Variants in RANBP17 observed in about 807,000 individuals in gnomAD.
The protein encoded by RANBP17 is ran-binding protein 17.
A neutral mutation model predicts 141.2 loss-of-function variants in RANBP17; 158 were observed. The observed-to-expected ratio is 1.12, with a 90% CI of 0.98 to 1.28. RANBP17 has a LOEUF of 1.28. RANBP17 is among the 50% of genes most tolerant of loss of function. The pLI, the probability that RANBP17 is intolerant of heterozygous loss-of-function variation, is 0.00. For synonymous variants in RANBP17, 430 were observed against 450.0 expected, an observed-to-expected ratio of 0.96 and a Z score of 0.56; for missense variants, 1,438 against 1,290.7, an observed-to-expected ratio of 1.11 and a Z score of -1.75.
chr5:171,273,377 A>G (rs1197363984), intron 25 of RANBP17, among the ~76,000 whole-genome samples: 1 of 152,206 alleles, frequency 6.6e-6, no homozygotes, highest in Non-Finnish European at 1.5e-5. Context: ...CCTACCCATT[A>G]TAACTATACC....
chr5:171,084,987 T>C (rs907768622), intron 14 of RANBP17, among the ~76,000 whole-genome samples: 1 of 41,676 alleles, frequency 2.4e-5, no homozygotes, highest in Non-Finnish European at 4.8e-5. Flanking sequence ...TTTGTCAATT[T>C]TGGCTTTTGT....
chr5:170,918,403 T>TACACACAC (rs55900214), intron 9 of RANBP17: 2,711 of 161,226 alleles, frequency 0.017, 15 homozygotes, highest in East Asian at 0.041. Flanking sequence ...TAAACCACAG[T>TACACACAC]ACACACACAC....
chr5:171,274,685 A>G (rs1332698491), intron 25 of RANBP17, among the ~76,000 whole-genome samples: 1 of 152,204 alleles, frequency 6.6e-6, no homozygotes, highest in African/African-American at 2.4e-5. Context: ...AGCACCTACC[A>G]GAGCCTGACA....
At chr5:171,063,066 T>C (rs1292552151) in intron 14 of RANBP17, among the ~76,000 whole-genome samples, 2 of 152,118 alleles carry the variant, frequency 1.3e-5, no homozygotes, top group Non-Finnish European at 2.9e-5. Flanking sequence ...TTCATCTAAA[T>C]TTTTTTCAAA....
At chr5:171,174,507 C>T (rs537034774) in intron 16 of RANBP17, among the ~76,000 whole-genome samples, 21 of 152,218 alleles carry the variant, frequency 1.4e-4, no homozygotes, top group East Asian at 5.8e-4. Flanking sequence ...ATGCTGAAAA[C>T]GGAGAAGAGT....
At chr5:170,983,430 A>C (rs921937990) in intron 14 of RANBP17, among the ~76,000 whole-genome samples, 3 of 152,246 alleles carry the variant, frequency 2.0e-5, no homozygotes, top group African/African-American at 7.2e-5. Context: ...ATTTGTGCAC[A>C]AAAGGGAATT....
intron 1 of RANBP17, among the ~76,000 whole-genome samples, chr5:170,876,157 G>A (rs568620537): frequency 9.9e-5 from 15 of 152,180 alleles, no homozygotes; most frequent in South Asian, 2.1e-4. Context: ...GGCACCAACC[G>A]CTTCACTTGG....
chr5:171,264,393 G>GA (rs201231962), intron 24 of RANBP17, among the ~76,000 whole-genome samples: 5 of 149,608 alleles, frequency 3.3e-5, no homozygotes, highest in South Asian at 2.1e-4. Context: ...AAAATTATTG[G>GA]AAAAAAAAAT....
In RANBP17 at chr5:171,194,288, C is replaced by T. The variant is rs370820667; in HGVS notation, c.2039-5382C>T. ...TATTCAGAATATTCATAAAATTGTG[C>T]AGCCATCACCATTATCTAATTCTAT... is the stretch of plus-strand genomic sequence containing the variant. On this transcript the variant is annotated intron_variant, in intron 18 of 27. Coordinates refer to ENST00000523189, the MANE Select transcript of RANBP17 (RefSeq NM_022897.5). Among the ~76,000 whole-genome samples, 6 of 152,268 alleles carry T rather than the reference C, an allele frequency of 3.9e-5. No individual in the cohort carries two copies. In the East Asian group the frequency reaches 1.2e-3, roughly 29 times the overall value.
chr5:171,147,810 T>TGG lies in RANBP17; in HGVS notation c.1711-22319_1711-22318insGG, dbSNP rs1179928276. On this transcript the variant is annotated intron_variant, in intron 14 of 27. Coordinates refer to ENST00000523189, the MANE Select transcript of RANBP17 (RefSeq NM_022897.5). ...CCGGCCAGCCGCCCCGTCCGGGACG[T>TGG]GAGGGGTGCCTCTGCCCGGCCGCCC... 1.3e-3 allele frequency among the ~76,000 whole-genome samples: 191 copies of TGG among 152,284 alleles called. 3 individuals are homozygous for TGG. In the East Asian group the frequency reaches 0.034, roughly 27 times the overall value.
chr5:170,994,979 T>C (rs1778722105), intron 14 of RANBP17, among the ~76,000 whole-genome samples: 1 of 152,072 alleles, frequency 6.6e-6, no homozygotes. Flanking sequence ...TAACATTGCC[T>C]TTATAACTGA....
chr5:171,295,744 A>G, intron 26 of RANBP17, 143 bp from the exon 27 acceptor site: 1 of 769,508 alleles, frequency 1.3e-6, no homozygotes, highest in East Asian at 2.6e-5. Flanking sequence ...CTAAGGGCTT[A>G]AAGTTCAAAG....
chr5:171,083,650 C>A (rs1206565931), intron 14 of RANBP17, among the ~76,000 whole-genome samples: 1 of 152,182 alleles, frequency 6.6e-6, no homozygotes, highest in East Asian at 1.9e-4. Context: ...GGAGGGCCAG[C>A]TGATATGGTG....
intron 14 of RANBP17, among the ~76,000 whole-genome samples, chr5:171,022,597 G>C (rs1241345303): frequency 6.6e-6 from 1 of 152,230 alleles, no homozygotes; most frequent in Non-Finnish European, 1.5e-5. Flanking sequence ...GGTGTGTTGG[G>C]CTGTGGGAGA....
At chr5:170,961,092 A>ACT (rs34501397) in intron 13 of RANBP17, among the ~76,000 whole-genome samples, 92,937 of 151,894 alleles carry the variant, frequency 0.61, 29,813 homozygotes, top group South Asian at 0.89. Flanking sequence ...TTGTCGCAAC[A>ACT]CTATGGCTTT....
intron 14 of RANBP17, among the ~76,000 whole-genome samples, chr5:171,129,878 C>T (rs1213456882): frequency 6.6e-6 from 1 of 152,132 alleles, no homozygotes; most frequent in Non-Finnish European, 1.5e-5. Flanking sequence ...GAAGTGAGTC[C>T]TGTTGTTATC....
rs375329944 is a variant in RANBP17 at position 171,212,324 on chromosome 5, A to T, written c.2232-1307A>T. 1.3e-3 allele frequency among the ~76,000 whole-genome samples: 196 copies of T among 152,330 alleles called. 9 individuals carry two copies. The South Asian group carries it at 0.039, about 30-fold the overall frequency. ...AGATATGGTCATGAGTGCTCATTGAACATAGATGAGGAAGAGACTGATGCC... is the reference window on the plus strand; with the variant it reads ...AGATATGGTCATGAGTGCTCATTGATCATAGATGAGGAAGAGACTGATGCC... On this transcript the variant is annotated intron_variant, in intron 20 of 27. Coordinates refer to ENST00000523189, the MANE Select transcript of RANBP17 (RefSeq NM_022897.5).
At chr5:171,275,188 A>G (rs1370274007) in intron 25 of RANBP17, among the ~76,000 whole-genome samples, 3 of 152,244 alleles carry the variant, frequency 2.0e-5, no homozygotes, top group East Asian at 1.9e-4. Flanking sequence ...TCAGCCAGTG[A>G]CAATACATTT....
At chr5:170,910,288 C>A (rs1349326090) in intron 6 of RANBP17, 1 of 152,752 alleles carries the variant, frequency 6.5e-6, no homozygotes, top group Non-Finnish European at 1.5e-5. Context: ...AATATAGGGA[C>A]TCCATCATGC....
Sources: gnomAD v4.1 joint callset for allele counts (sites outside exome capture counted in the v4.1 genomes callset) on GRCh38, gnomAD v4.1.1 for gene constraint, MANE v1.5 for transcripts, NCBI Gene and HGNC (gene_info 2026-07-23, HGNC 2026-07-21) for gene names.